MGAM: variants seen among roughly 807,000 people sequenced by gnomAD.
The protein encoded by MGAM is alpha-1,4-glucosidase.
In MGAM, 253 loss-of-function variants were observed where a neutral mutation model predicts 358.8. The observed-to-expected ratio is 0.71, with a 90% confidence interval of 0.64 to 0.78. The LOEUF (loss-of-function observed/expected upper bound fraction) is 0.78. Ranked by LOEUF, MGAM falls within the 30% of genes least tolerant of loss-of-function variation. The pLI is 0.00. For missense variants in MGAM, 3,080 were observed against 3,432.6 expected (o/e 0.90, Z 2.57); for synonymous variants, 1,105 against 1,227.1 (o/e 0.90, Z 2.08).
chr7:142,103,583 C>T (rs1816615383), intron 70 of MGAM, 144 bp downstream of exon 70: 6 of 691,972 alleles, frequency 8.7e-6, no homozygotes, highest in Non-Finnish European at 1.3e-5. Flanking sequence ...AGGAATGGAC[C>T]ACGTGGAGAT....
intron 45 of MGAM, among the ~76,000 whole-genome samples, chr7:142,075,815 A>AT (rs1277991024): frequency 6.9e-6 from 1 of 145,902 alleles, no homozygotes; most frequent in East Asian, 2.0e-4. Context: ...AGAAAATAGA[A>AT]TTTTTTAGAC....
At chr7:142,014,733 A>G (rs1375844863) in intron 3 of MGAM, among the ~76,000 whole-genome samples, 1 of 152,062 alleles carries the variant, frequency 6.6e-6, no homozygotes, top group Non-Finnish European at 1.5e-5. Context: ...AACAAAATGC[A>G]TTTTTGTTTA....
chr7:142,050,469 C>G (rs894333891), intron 23 of MGAM, among the ~76,000 whole-genome samples, 185 bp downstream of exon 23: 1 of 152,156 alleles, frequency 6.6e-6, no homozygotes, highest in African/African-American at 2.4e-5. Context: ...AATATAGCAG[C>G]TAGTGTTTCT....
intron 34 of MGAM, among the ~76,000 whole-genome samples, chr7:142,061,677 G>C (rs944181996): frequency 5.5e-4 from 84 of 152,122 alleles, no homozygotes; most frequent in African/African-American, 1.9e-3. Context: ...ACAATGGTGT[G>C]ATTATCATAG....
chr7:142,098,684 C>G (rs997922449), intron 66 of MGAM, among the ~76,000 whole-genome samples: 2 of 152,098 alleles, frequency 1.3e-5, no homozygotes, highest in African/African-American at 4.8e-5. Context: ...CCCAGCCAGG[C>G]GTTTCCCAGG....
intron 26 of MGAM, among the ~76,000 whole-genome samples, chr7:142,054,084 C>T (rs1468446241): frequency 1.3e-5 from 2 of 152,158 alleles, no homozygotes; most frequent in Non-Finnish European, 2.9e-5. Flanking sequence ...TTTTAATATT[C>T]TAGACTGTAT....
chr7:142,079,104 A>G lies in MGAM; in HGVS notation c.5847+96A>G. On this transcript the variant is annotated intron_variant, in intron 49 of 70. Transcript: ENST00000475668. Reference sequence around the variant, plus strand: ...CACACAACCCTAAAATAAGTTAATCATGCTACATTAGACTATGTCATTATC... The same window carrying G: ...CACACAACCCTAAAATAAGTTAATCGTGCTACATTAGACTATGTCATTATC... 6.4e-6 allele frequency: 7 copies of G among 1,096,030 alleles called. 1 individual carries two copies. Among genetic ancestry groups the G allele is most frequent in the Non-Finnish European group, 8.0e-6 (6 of 753,048 alleles). 67.9% of individuals were successfully genotyped at this position (1,096,030 alleles called of 1,614,324 possible). A position where few individuals can be genotyped will look rare whatever the true frequency, so the allele number is the denominator to read the frequency against.
In MGAM at chr7:142,058,160, G is replaced by T. The variant is rs1458361749; in HGVS notation, c.3694-43G>T. The T allele has an allele frequency of 2.5e-6, 4 of 1,611,914 alleles. No individual in the cohort carries two copies. The East Asian group carries it at 8.9e-5, about 36-fold the overall frequency. Reference sequence around the variant, plus strand: ...TTACTTGATGTAAAACTTCAATGTGGTGCCTCTGTTCTGAAGACTAATATT... The same window carrying T: ...TTACTTGATGTAAAACTTCAATGTGTTGCCTCTGTTCTGAAGACTAATATT... On this transcript the variant is annotated intron_variant, in intron 30 of 70. Coordinates refer to ENST00000475668, the MANE Select transcript of MGAM (RefSeq NM_001365693.1).
At position 142,106,026 on chromosome 7, in the gene MGAM, T is replaced by A; in HGVS notation, c.*135T>A. The A allele has an allele frequency of 2.8e-6, 2 of 719,514 alleles. No individual in the cohort carries two copies. The highest frequency in any genetic ancestry group is 3.5e-5 in the South Asian group (2 of 56,768). The allele number at this position is 719,514 out of a possible 1,614,324, so 44.6% of individuals were successfully genotyped here. The stretch of plus-strand genomic sequence containing the variant: ...AAATATTTCTGTTAATTTTGTTATA[T>A]GTTTTTTGTGTGAACCCTAAAGGTT... On this transcript the variant is annotated 3_prime_UTR_variant, in exon 71 of 71. Transcript: ENST00000475668.
chr7:142,029,530 A>G (rs1466982431), intron 10 of MGAM, among the ~76,000 whole-genome samples: 12 of 152,214 alleles, frequency 7.9e-5, no homozygotes, highest in African/African-American at 2.2e-4. Context: ...CCAGGAAATG[A>G]AAGAATTGGA....
chr7:142,004,261 G>A (rs571011241), intron 1 of MGAM: 140 of 152,092 alleles, frequency 9.2e-4, no homozygotes, highest in African/African-American at 3.3e-3. Flanking sequence ...TTGCAGCAGT[G>A]TTCACAATAG....
rs1808374245 is a variant in MGAM at position 142,040,173 on chromosome 7, T to G, written c.2373+2T>G. On this transcript the variant is annotated splice_donor_variant, in intron 20 of 70. Transcript: ENST00000475668. LOFTEE classifies it high-confidence loss of function. The stretch of plus-strand genomic sequence containing the variant: ...GCTGTCTGGTATGACTACGAGACTG[T>G]AAGTAGCTTTGACTTTTCTTCTACT... 1.2e-6 allele frequency: 2 copies of G among 1,609,606 alleles called. No individual in the cohort carries two copies. The highest frequency in any genetic ancestry group is 1.7e-6 in the Non-Finnish European group (2 of 1,176,818).
intron 1 of MGAM, among the ~76,000 whole-genome samples, chr7:142,003,900 C>CA (rs1367362905): frequency 1.3e-4 from 19 of 150,338 alleles, no homozygotes; most frequent in African/African-American, 2.0e-4. Flanking sequence ...GGTATTTTTC[C>CA]AAAAAAAAGG....
intron 44 of MGAM, 112 bp downstream of exon 44, chr7:142,071,230 C>T (rs1813323612): frequency 8.1e-7 from 1 of 1,241,694 alleles, no homozygotes; most frequent in South Asian, 1.6e-5. Flanking sequence ...TTCTACTCAA[C>T]ACTTGTTTTT....
intron 57 of MGAM, among the ~76,000 whole-genome samples, chr7:142,088,591 T>C (rs1814983116): frequency 1.0e-5 from 1 of 97,928 alleles, no homozygotes; most frequent in African/African-American, 4.5e-5. Flanking sequence ...ACCTCATCTA[T>C]CTATATCTAT....
chr7:142,024,573 A>G (rs1170447482), intron 7 of MGAM, among the ~76,000 whole-genome samples: 4 of 152,150 alleles, frequency 2.6e-5, no homozygotes, highest in Non-Finnish European at 5.9e-5. Context: ...GTCTGCTTCT[A>G]CCTCTAGGGA....
intron 10 of MGAM, among the ~76,000 whole-genome samples, chr7:142,029,352 T>C (rs782433956): frequency 2.1e-4 from 29 of 135,430 alleles, no homozygotes; most frequent in Admixed American, 6.6e-4. Context: ...AGAGCTAGAC[T>C]CAGTCTTGAG....
rs782786733 is a variant in MGAM at position 142,021,076 on chromosome 7, A to T, written c.551A>T (p.His184Leu). The T allele has an allele frequency of 1.9e-6, 3 of 1,591,130 alleles. No homozygotes were observed. The highest frequency in any genetic ancestry group is 1.7e-6 in the Non-Finnish European group (2 of 1,171,034). The change falls in exon 5 of 71, where the codon CAC becomes CTC. Residue 184 changes from histidine (H) to leucine (L), a missense_variant. Physicochemically the swap from His to Leu is moderately conservative, Grantham distance 99. Around this residue, in one of 5 missense-constraint regions of MGAM, gnomAD observed 1,816 missense variants for 1,840.5 expected, o/e 0.99. Transcript: ENST00000475668. ...TAEYQTSNRFHFKLTDQTNNR... is the reference protein window; with the variant it reads ...TAEYQTSNRFLFKLTDQTNNR... ...GAATATCAGACATCTAATCGTTTCC[A>T]CTTTAAGGTTGTAATTTGTTTATTT...
intron 44 of MGAM, 127 bp from the exon 45 acceptor site, chr7:142,073,958 A>T: frequency 1.4e-6 from 1 of 701,878 alleles, no homozygotes; most frequent in Middle Eastern, 2.6e-4. Context: ...TTGTGTTTGT[A>T]CCTCAAGAAA....
Sources: allele counts gnomAD v4.1 joint callset (sites outside exome capture counted in the v4.1 genomes callset), GRCh38; gene constraint gnomAD v4.1.1; regional missense constraint gnomAD v4.1.1; transcripts MANE v1.5; gene names NCBI Gene and HGNC (gene_info 2026-07-23, HGNC 2026-07-21).